Variants in DHX36 observed in about 807,000 individuals in gnomAD.
The protein encoded by DHX36 is DEAH-box helicase 36, also known as ATP-dependent DNA/RNA helicase DHX36.
DHX36 carries 50 observed loss-of-function variants against 139.0 expected under a neutral mutation model. The ratio of observed to expected loss-of-function variants is 0.36; its 90% CI spans 0.29 to 0.46. The LOEUF (loss-of-function observed/expected upper bound fraction) is 0.46. DHX36 is among the 20% of genes least tolerant of loss of function. The pLI, the probability that DHX36 is intolerant of heterozygous loss-of-function variation, is 1.00. For missense variants in DHX36, 1,024 were observed against 1,211.3 expected (o/e 0.85, Z 2.29); for synonymous variants, 425 against 401.9 (o/e 1.06, Z -0.69).
intron 8 of DHX36, 71 bp downstream of exon 8, chr3:154,304,735 A>T: frequency 8.7e-7 from 1 of 1,142,988 alleles, no homozygotes; most frequent in Non-Finnish European, 1.2e-6. Flanking sequence ...CTCTTTACCT[A>T]GTACCATATT....
intron 1 of DHX36, among the ~76,000 whole-genome samples, chr3:154,323,557 G>A (rs1713278769): frequency 6.6e-6 from 1 of 152,132 alleles, no homozygotes; most frequent in African/African-American, 2.4e-5. Flanking sequence ...CTGAAGAGAG[G>A]AGAGTAAGCC....
At position 154,275,734 on chromosome 3, in the gene DHX36, T is replaced by C. The variant is rs988633616; in HGVS notation, c.*437A>G. The C allele has an allele frequency of 1.3e-5, 2 of 152,808 alleles. No homozygotes were observed. Among genetic ancestry groups the C allele is most frequent in the Non-Finnish European group, 1.5e-5 (1 of 68,172 alleles). 9.5% of individuals were successfully genotyped at this position (152,808 alleles called of 1,614,324 possible). A position where few individuals can be genotyped will look rare whatever the true frequency, so the allele number is the denominator to read the frequency against. On this transcript the variant is annotated 3_prime_UTR_variant, in exon 25 of 25. Coordinates refer to ENST00000496811, the MANE Select transcript of DHX36 (RefSeq NM_020865.3). The stretch of plus-strand genomic sequence containing the variant: ...TTACAACAAATTAATTTACTTCCGA[T>C]AGAAGTTTCATTTTAAAAAATGTGG...
intron 15 of DHX36, among the ~76,000 whole-genome samples, chr3:154,291,972 G>A (rs1198406871): frequency 2.0e-5 from 3 of 152,142 alleles, no homozygotes; most frequent in African/African-American, 7.2e-5. Flanking sequence ...TACTTTCCTT[G>A]TGCTTTCATT....
chr3:154,309,926 A>G, intron 4 of DHX36, 103 bp from the exon 5 acceptor site: 1 of 908,546 alleles, frequency 1.1e-6, no homozygotes, highest in South Asian at 2.0e-5. Context: ...TTTAACAAAC[A>G]TATTAATGCT....
At chr3:154,323,104 T>A (rs530625683) in intron 1 of DHX36, among the ~76,000 whole-genome samples, 1 of 151,894 alleles carries the variant, frequency 6.6e-6, no homozygotes, top group Admixed American at 6.6e-5. Context: ...GGAGGCCGAG[T>A]TGGGTGGATC....
chr3:154,285,181 C>G (rs1176334896), intron 17 of DHX36, among the ~76,000 whole-genome samples, 194 bp from the exon 18 acceptor site: 1 of 152,170 alleles, frequency 6.6e-6, no homozygotes, highest in Non-Finnish European at 1.5e-5. Flanking sequence ...CTTATTTAAA[C>G]ATAACCAAAA....
Position 154,324,147 on chromosome 3 carries a change from C to T in DHX36, c.243+27G>A, listed in dbSNP as rs912206254. On this transcript the variant is annotated intron_variant, in intron 1 of 24. Coordinates refer to ENST00000496811, the MANE Select transcript of DHX36 (RefSeq NM_020865.3). ...GAGAAGAAAACCTGTGCTGCCTCAT[C>T]CTCTCCACTACTGAATCCGAGATTA... 3.1e-6 allele frequency: 5 copies of T among 1,589,426 alleles called. No homozygotes were observed. The African/African-American group carries it at 5.4e-5, about 17-fold the overall frequency.
In DHX36 at chr3:154,276,296, C is replaced by G. The variant is rs1441179765; in HGVS notation, c.2902G>C (p.Asp968His). The stretch of plus-strand genomic sequence containing the variant: ...TCTCTGGATTTAGTGTCATTCCAGT[C>G]TACAGGATGAGGACTTTCAATCTTC... ...QEKIESPHPV[D>H]WNDTKSRDCA... is the part of the protein sequence containing the mutation. The change falls in exon 25 of 25, where the codon GAC (aspartate) becomes CAC (histidine). Residue 968 changes from aspartate (D) to histidine (H), a missense_variant. This residue lies in a region of DHX36 where 470 missense variants were observed against 616.2 expected (regional missense o/e 0.76). Transcript: ENST00000496811. The G allele has an allele frequency of 2.5e-6, 4 of 1,613,716 alleles. No homozygotes were observed. The highest frequency in any genetic ancestry group is 3.4e-6 in the Non-Finnish European group (4 of 1,179,966).
intron 11 of DHX36, 23 bp downstream of exon 11, chr3:154,300,566 TAACTG>T: frequency 2.6e-6 from 4 of 1,556,836 alleles, no homozygotes; most frequent in Non-Finnish European, 3.5e-6. Context: ...AAAATTATGT[TAACTG>T]AAGAAAGAAA....
At chr3:154,298,428 T>C (rs1261460637) in intron 12 of DHX36, among the ~76,000 whole-genome samples, 1 of 152,120 alleles carries the variant, frequency 6.6e-6, no homozygotes, top group African/African-American at 2.4e-5. Flanking sequence ...TATAAAGTTA[T>C]CACACAAAAA....
At chr3:154,289,923 A>G in intron 15 of DHX36, 97 bp from the exon 16 acceptor site, 1 of 688,278 alleles carries the variant, frequency 1.5e-6, no homozygotes, top group Non-Finnish European at 2.5e-6. Flanking sequence ...AGTAGCCAAT[A>G]TCAATTTCTT....
At chr3:154,291,736 C>T (rs1372613543) in intron 15 of DHX36, among the ~76,000 whole-genome samples, 3 of 152,114 alleles carry the variant, frequency 2.0e-5, no homozygotes, top group East Asian at 3.9e-4. Flanking sequence ...AAGTCTGTAT[C>T]GAAAGATTAA....
intron 20 of DHX36, among the ~76,000 whole-genome samples, chr3:154,281,381 A>G (rs895857543): frequency 1.3e-5 from 2 of 152,094 alleles, no homozygotes; most frequent in South Asian, 4.1e-4. Context: ...TTTTTTAAAT[A>G]ATGATACATG....
chr3:154,316,404 T>C (rs1010776338), intron 1 of DHX36, among the ~76,000 whole-genome samples: 2 of 152,104 alleles, frequency 1.3e-5, no homozygotes, highest in South Asian at 2.1e-4. Context: ...AGCCCTAATA[T>C]GATTGGCAAA....
rs142183454 is a variant in DHX36 at position 154,277,557 on chromosome 3, A to G, written c.2688+41T>C. 2.6e-6 allele frequency: 4 copies of G among 1,546,092 alleles called. 1 individual carries two copies. In the African/African-American group the frequency reaches 4.1e-5, roughly 16 times the overall value. On this transcript the variant is annotated intron_variant, in intron 23 of 24. Coordinates refer to ENST00000496811, the MANE Select transcript of DHX36 (RefSeq NM_020865.3). ...TACACAATCATAAAAATACAATGAG[A>G]CTGATAATCAGATCCTTAATTATTT...
intron 17 of DHX36, among the ~76,000 whole-genome samples, chr3:154,287,433 T>C (rs541662564): frequency 7.6e-4 from 115 of 152,106 alleles, no homozygotes; most frequent in Non-Finnish European, 1.4e-3. Context: ...GGTGTGCGGA[T>C]CACTTGAGGT....
chr3:154,291,056 A>C, intron 15 of DHX36, among the ~76,000 whole-genome samples: 1 of 133,458 alleles, frequency 7.5e-6, no homozygotes, highest in Non-Finnish European at 1.6e-5. Context: ...AATGGCGTGA[A>C]CCCGGGAGGC....
At chr3:154,313,652 C>T (rs1440368522) in intron 3 of DHX36, among the ~76,000 whole-genome samples, 2 of 152,118 alleles carry the variant, frequency 1.3e-5, no homozygotes, top group Admixed American at 1.3e-4. Flanking sequence ...TGTACTCTAG[C>T]CTGGGTGACA....
intron 14 of DHX36, among the ~76,000 whole-genome samples, 189 bp downstream of exon 14, chr3:154,293,559 G>A (rs1310980253): frequency 6.6e-6 from 1 of 152,066 alleles, no homozygotes; most frequent in African/African-American, 2.4e-5. Context: ...TGCAGCATGG[G>A]TGACAGAATG....
Sources: gnomAD v4.1 joint callset for allele counts (sites outside exome capture counted in the v4.1 genomes callset) on GRCh38, gnomAD v4.1.1 for gene constraint, gnomAD v4.1.1 regional missense constraint, MANE v1.5 for transcripts, NCBI Gene and HGNC (gene_info 2026-07-23, HGNC 2026-07-21) for gene names.